PRKN: variants seen among roughly 807,000 people sequenced by gnomAD.
PRKN encodes the protein E3 ubiquitin-protein ligase parkin.
A neutral mutation model predicts 59.5 loss-of-function variants in PRKN; 56 were observed. The ratio of observed to expected loss-of-function variants is 0.94; its 90% CI spans 0.76 to 1.18. PRKN has a LOEUF of 1.18. Ranked by LOEUF, PRKN falls within the 50% of genes most tolerant of loss-of-function variation. The pLI is 0.00. For missense variants in PRKN, 657 were observed against 596.4 expected (o/e 1.10, Z -1.06); for synonymous variants, 250 against 222.1 (o/e 1.13, Z -1.12).
intron 1 of PRKN, among the ~76,000 whole-genome samples, chr6:162,634,324 C>T (rs1403154271): frequency 6.6e-6 from 1 of 152,072 alleles, no homozygotes; most frequent in African/African-American, 2.4e-5. Context: ...CTTCCTTCCC[C>T]ACCCTTAAAA....
chr6:161,456,586 A>G lies in PRKN; in HGVS notation c.1084-69709T>C, dbSNP rs756578902. Among the ~76,000 whole-genome samples the G allele has an allele frequency of 3.3e-5, 5 of 151,898 alleles. No homozygotes were observed. The highest frequency in any genetic ancestry group is 7.3e-5 in the African/African-American group (3 of 41,284). On this transcript the variant is annotated intron_variant, in intron 9 of 11. Coordinates refer to ENST00000366898, the MANE Select transcript of PRKN (RefSeq NM_004562.3). This position sits in a 1 kb window ranked among gnomAD's most constrained non-coding sequence, Gnocchi z 4.8. ...GCCCCTTCATATATTCATCTATCCA[A>G]TTAGTTCTGTCCCTCTAGAGAACCC...
At position 161,460,836 on chromosome 6, in the gene PRKN, G is replaced by C. The variant is rs1292433547; in HGVS notation, c.1084-73959C>G. Reference sequence around the variant, plus strand: ...ACAATCTCGGCCCACTGCAATCTCAGACTCCCTGGTTCAAGCAATTCTCCT... The same window carrying C: ...ACAATCTCGGCCCACTGCAATCTCACACTCCCTGGTTCAAGCAATTCTCCT... On this transcript the variant is annotated intron_variant, in intron 9 of 11. Coordinates refer to ENST00000366898, the MANE Select transcript of PRKN (RefSeq NM_004562.3). The surrounding 1 kb of genome is among the most constrained non-coding windows in gnomAD (Gnocchi z 5.0). Among the ~76,000 whole-genome samples, 2 of 151,210 alleles carry C rather than the reference G, an allele frequency of 1.3e-5. No individual in the cohort carries two copies. Among genetic ancestry groups the C allele is most frequent in the Non-Finnish European group, 2.9e-5 (2 of 67,890 alleles).
At chr6:161,965,150 C>T (rs1251372568) in intron 6 of PRKN, among the ~76,000 whole-genome samples, 4 of 152,024 alleles carry the variant, frequency 2.6e-5, no homozygotes, top group Non-Finnish European at 1.5e-5. Context: ...TGAGATAAAT[C>T]TTTGCTAATC....
At chr6:161,630,936 G>A (rs982662503) in intron 7 of PRKN, among the ~76,000 whole-genome samples, 1 of 152,208 alleles carries the variant, frequency 6.6e-6, no homozygotes, top group Non-Finnish European at 1.5e-5. Flanking sequence ...AGATAAAATA[G>A]GATACAGACA....
At chr6:162,467,145 A>C (rs1583621023) in intron 1 of PRKN, among the ~76,000 whole-genome samples, 1 of 152,154 alleles carries the variant, frequency 6.6e-6, no homozygotes, top group African/African-American at 2.4e-5. Flanking sequence ...AATCACACGT[A>C]ATCAATCCTT....
intron 2 of PRKN, among the ~76,000 whole-genome samples, chr6:162,280,907 C>T: frequency 6.6e-6 from 1 of 150,944 alleles, no homozygotes; most frequent in South Asian, 2.1e-4. Flanking sequence ...TCAATGAATG[C>T]AGGAGCTGTT....
intron 6 of PRKN, among the ~76,000 whole-genome samples, chr6:161,897,846 A>G (rs1217621148): frequency 2.0e-5 from 3 of 150,538 alleles, no homozygotes; most frequent in Non-Finnish European, 4.4e-5. Context: ...GGGCGCCTGT[A>G]GTCCCAGCTA....
At chr6:162,145,614 T>C (rs1259286590) in intron 4 of PRKN, among the ~76,000 whole-genome samples, 6 of 152,036 alleles carry the variant, frequency 3.9e-5, no homozygotes, top group Admixed American at 1.3e-4. Context: ...CACTCCACAG[T>C]GTGGGAGTGG....
rs1789556999 is a variant in PRKN, at chr6:162,432,030, T to C, written c.171+11280A>G. ...GATTAAGTCTATTTTAAAGCTTATA[T>C]GCCCTCTTCAGGGAAATCTTTAAAA... is the stretch of plus-strand genomic sequence containing the variant. On this transcript the variant is annotated intron_variant, in intron 2 of 11. Coordinates refer to ENST00000366898, the MANE Select transcript of PRKN (RefSeq NM_004562.3). Among the ~76,000 whole-genome samples the C allele has an allele frequency of 2.6e-5, 4 of 152,300 alleles. No individual in the cohort carries two copies. The South Asian group carries it at 8.3e-4, about 32-fold the overall frequency.
At position 161,376,577 on chromosome 6, in the gene PRKN, G is replaced by A. The variant is rs1785710967; in HGVS notation, c.1167+10217C>T. On this transcript the variant is annotated intron_variant, in intron 10 of 11. Transcript: ENST00000366898. This position sits in a 1 kb window ranked among gnomAD's most constrained non-coding sequence, Gnocchi z 7.3. Reference sequence around the variant, plus strand: ...TGGTGCCTGGTGTGTCTCTGGTTTGGCCCTTTTAGGGGGTGCTCTGCTCTG... The same window carrying A: ...TGGTGCCTGGTGTGTCTCTGGTTTGACCCTTTTAGGGGGTGCTCTGCTCTG... Among the ~76,000 whole-genome samples the A allele has an allele frequency of 6.6e-6, 1 of 152,216 alleles. No homozygotes were observed. Among genetic ancestry groups the A allele is most frequent in the South Asian group, 2.1e-4 (1 of 4,820 alleles).
At chr6:162,143,144 C>T (rs1781860509) in intron 4 of PRKN, among the ~76,000 whole-genome samples, 1 of 152,182 alleles carries the variant, frequency 6.6e-6, no homozygotes, top group Non-Finnish European at 1.5e-5. Flanking sequence ...CTCCTTCTTC[C>T]TTGTTGAGTA....
At chr6:161,715,506 G>A (rs1230694745) in intron 7 of PRKN, among the ~76,000 whole-genome samples, 5 of 152,106 alleles carry the variant, frequency 3.3e-5, no homozygotes, top group Admixed American at 3.3e-4. Flanking sequence ...AAAAATAAAG[G>A]AGATTAGGTT....
At chr6:161,742,057 C>T (rs1439034451) in intron 7 of PRKN, among the ~76,000 whole-genome samples, 2 of 152,222 alleles carry the variant, frequency 1.3e-5, no homozygotes, top group East Asian at 1.9e-4. Flanking sequence ...GCAACCTCCG[C>T]CTCCGAGGCT....
At chr6:162,005,760 A>C (rs773651621) in intron 5 of PRKN, among the ~76,000 whole-genome samples, 36 of 152,156 alleles carry the variant, frequency 2.4e-4, no homozygotes, top group Non-Finnish European at 5.1e-4. Context: ...CTAATATATC[A>C]AATCTAACCT....
intron 6 of PRKN, among the ~76,000 whole-genome samples, chr6:161,960,211 C>T (rs1440282791): frequency 1.3e-5 from 2 of 152,180 alleles, no homozygotes; most frequent in East Asian, 3.8e-4. Context: ...CTTACAATAA[C>T]TGCAAGAACA....
At chr6:162,502,202 C>G (rs952313848) in intron 1 of PRKN, among the ~76,000 whole-genome samples, 2 of 152,062 alleles carry the variant, frequency 1.3e-5, no homozygotes, top group African/African-American at 4.8e-5. Context: ...CTTCTGTTGC[C>G]CAAGCTGGAG....
Position 161,349,871 on chromosome 6 carries a change from T to C in PRKN, c.*228A>G. 1.7e-6 allele frequency: 1 copy of C among 597,894 alleles called. No homozygotes were observed. The highest frequency in any genetic ancestry group is 3.0e-6 in the Non-Finnish European group (1 of 328,458). The allele number at this position is 597,894 out of a possible 1,614,324, so 37.0% of individuals were successfully genotyped here. ...CTTGTGTGGACAAACTGAAAGGGATTCAGGAGCTTCTTCTGTAATTTTACT... is the reference window on the plus strand; with the variant it reads ...CTTGTGTGGACAAACTGAAAGGGATCCAGGAGCTTCTTCTGTAATTTTACT... On this transcript the variant is annotated 3_prime_UTR_variant, in exon 12 of 12. Coordinates refer to ENST00000366898, the MANE Select transcript of PRKN (RefSeq NM_004562.3). The surrounding 1 kb of genome is among the most constrained non-coding windows in gnomAD (Gnocchi z 5.5).
At chr6:162,692,642 T>TCA (rs1212086878) in intron 1 of PRKN, among the ~76,000 whole-genome samples, 1 of 151,830 alleles carries the variant, frequency 6.6e-6, no homozygotes, top group African/African-American at 2.4e-5. Context: ...ATGTGTGCTA[T>TCA]CACACATCAT....
At chr6:162,445,072 G>T (rs904562234) in intron 1 of PRKN, among the ~76,000 whole-genome samples, 3 of 151,954 alleles carry the variant, frequency 2.0e-5, no homozygotes, top group African/African-American at 7.3e-5. Flanking sequence ...TAGTACTATA[G>T]CTAATTATTT....
Sources: gnomAD v4.1 joint callset for allele counts (sites outside exome capture counted in the v4.1 genomes callset) on GRCh38, gnomAD v4.1.1 for gene constraint, Gnocchi (gnomAD v3.1) non-coding constraint, MANE v1.5 for transcripts, NCBI Gene and HGNC (gene_info 2026-07-23, HGNC 2026-07-21) for gene names.